The following PTPRQ variants were observed in gnomAD, a reference collection of about 807,000 sequenced individuals.
PTPRQ encodes the protein protein tyrosine phosphatase receptor type Q.
A neutral mutation model predicts 246.0 loss-of-function variants in PTPRQ; 199 were observed. The observed-to-expected ratio is 0.81, with a 90% CI of 0.72 to 0.91. The LOEUF is 0.91. PTPRQ is among the 40% of genes least tolerant of loss of function. PTPRQ has a pLI of 0.00. For missense variants in PTPRQ, 2,624 were observed against 2,528.4 expected (o/e 1.04, Z -0.81); for synonymous variants, 869 against 853.2 (o/e 1.02, Z -0.32).
At chr12:80,636,685 C>T (rs1899665441) in intron 35 of PTPRQ, among the ~76,000 whole-genome samples, 3 of 152,100 alleles carry the variant, frequency 2.0e-5, no homozygotes, top group Admixed American at 2.0e-4. Flanking sequence ...AAGACCGACC[C>T]CCTCCCCAAC....
intron 14 of PTPRQ, among the ~76,000 whole-genome samples, chr12:80,500,980 GT>G (rs1369992470): frequency 6.6e-6 from 1 of 151,970 alleles, no homozygotes; most frequent in Non-Finnish European, 1.5e-5. Flanking sequence ...TCACTGAGAG[GT>G]TATATTTGCC....
chr12:80,531,416 A>G (rs1895839758), intron 17 of PTPRQ, among the ~76,000 whole-genome samples: 1 of 152,202 alleles, frequency 6.6e-6, no homozygotes, highest in Non-Finnish European at 1.5e-5. Context: ...CAAGAGTAAC[A>G]ACTTATTATA....
At chr12:80,620,111 A>C in intron 31 of PTPRQ, 43 bp from the exon 32 acceptor site, 1 of 1,502,472 alleles carries the variant, frequency 6.7e-7, no homozygotes, top group East Asian at 2.5e-5. Flanking sequence ...AAATATATTC[A>C]TATGTTACTT....
intron 17 of PTPRQ, among the ~76,000 whole-genome samples, chr12:80,530,578 A>C (rs1231822780): frequency 6.6e-6 from 1 of 152,228 alleles, no homozygotes; most frequent in African/African-American, 2.4e-5. Flanking sequence ...GAAATATAAA[A>C]AACCATAAAT....
intron 39 of PTPRQ, among the ~76,000 whole-genome samples, chr12:80,666,435 T>C (rs144391672): frequency 7.6e-4 from 116 of 151,960 alleles, no homozygotes; most frequent in African/African-American, 2.7e-3. Context: ...AGTAAGAGAT[T>C]GGTTAACGAA....
intron 17 of PTPRQ, among the ~76,000 whole-genome samples, chr12:80,523,181 T>C (rs777549133): frequency 1.3e-5 from 2 of 152,192 alleles, no homozygotes; most frequent in African/African-American, 2.4e-5. Context: ...CTCATGGTAG[T>C]TTGTATTTCT....
At chr12:80,499,212 A>G (rs777744335) in intron 14 of PTPRQ, among the ~76,000 whole-genome samples, 55 of 152,032 alleles carry the variant, frequency 3.6e-4, no homozygotes, top group Non-Finnish European at 6.8e-4. Flanking sequence ...AGGGGAAACC[A>G]ACATATCCCA....
At chr12:80,542,449 AG>A in intron 22 of PTPRQ, 85 bp downstream of exon 22, 1 of 1,464,504 alleles carries the variant, frequency 6.8e-7, no homozygotes, top group Middle Eastern at 1.8e-4. Context: ...GGAATATGAA[AG>A]GATATCTGAT....
rs1555210243 is a variant in PTPRQ, at chr12:80,642,935, A to AAAACAAAC, written c.5916-5959_5916-5958insCAAACAAA. On this transcript the variant is annotated intron_variant, in intron 35 of 44. Transcript: ENST00000644991. The stretch of plus-strand genomic sequence containing the variant: ...ACTCCGTCTTAAAAAAAAAAAAAAA[A>AAAACAAAC]AAAAAAAAAAACAATTGAGTATCTC... 1.5e-3 allele frequency among the ~76,000 whole-genome samples: 225 copies of AAAACAAAC among 145,638 alleles called. 8 individuals are homozygous for AAAACAAAC. Among genetic ancestry groups the AAAACAAAC allele is most frequent in the African/African-American group, 4.4e-3 (159 of 36,450 alleles).
chr12:80,585,787 G>A (rs1897594232), intron 25 of PTPRQ, among the ~76,000 whole-genome samples: 1 of 150,638 alleles, frequency 6.6e-6, no homozygotes, highest in East Asian at 2.0e-4. Flanking sequence ...CATTGTGCAG[G>A]TTAGTTACAT....
chr12:80,535,688 A>G (rs1013108086), intron 19 of PTPRQ, among the ~76,000 whole-genome samples: 3 of 152,238 alleles, frequency 2.0e-5, no homozygotes, highest in Non-Finnish European at 4.4e-5. Flanking sequence ...CTTTGAAAAA[A>G]TATTTTCAAT....
chr12:80,465,032 CA>C (rs1157074528), intron 6 of PTPRQ, among the ~76,000 whole-genome samples: 1 of 105,590 alleles, frequency 9.5e-6, no homozygotes, highest in Non-Finnish European at 1.9e-5. Context: ...CATAGAGACA[CA>C]AAAAACCCTT....
At chr12:80,657,040 A>G (rs1325215355) in intron 38 of PTPRQ, among the ~76,000 whole-genome samples, 1 of 151,936 alleles carries the variant, frequency 6.6e-6, no homozygotes, top group Non-Finnish European at 1.5e-5. Context: ...GAGAAATTTG[A>G]TTGCATAACA....
chr12:80,541,514 G>A, intron 20 of PTPRQ, 41 bp from the exon 21 acceptor site: 11 of 1,390,478 alleles, frequency 7.9e-6, no homozygotes, highest in Non-Finnish European at 1.0e-5. Flanking sequence ...TCTGTTTAGG[G>A]TAACTGATGA....
chr12:80,516,235 C>A (rs1895295581), intron 17 of PTPRQ, among the ~76,000 whole-genome samples: 1 of 152,108 alleles, frequency 6.6e-6, no homozygotes, highest in Non-Finnish European at 1.5e-5. Context: ...AGCACTTTTA[C>A]TTTTAGATGT....
chr12:80,624,643 A>C (rs1019418245), intron 33 of PTPRQ, among the ~76,000 whole-genome samples: 2 of 152,210 alleles, frequency 1.3e-5, no homozygotes, highest in Non-Finnish European at 2.9e-5. Context: ...TGGATTTAAC[A>C]CCATCAATTA....
intron 8 of PTPRQ, among the ~76,000 whole-genome samples, chr12:80,477,036 G>A (rs952489407): frequency 3.9e-5 from 6 of 151,976 alleles, no homozygotes; most frequent in African/African-American, 1.5e-4. Context: ...TTTTTTGCCC[G>A]TTACTCCTGT....
chr12:80,506,696 T>A, intron 16 of PTPRQ, 26 bp downstream of exon 16: 1 of 1,524,514 alleles, frequency 6.6e-7, no homozygotes, highest in Non-Finnish European at 8.8e-7. Flanking sequence ...GATATTGATA[T>A]ACTTTGATTC....
Position 80,506,225 on chromosome 12 carries a change from T to C in PTPRQ, c.2455+19T>C. 6.9e-7 allele frequency: 1 copy of C among 1,445,948 alleles called. No individual in the cohort carries two copies. 89.6% of individuals were successfully genotyped at this position (1,445,948 alleles called of 1,614,324 possible). On this transcript the variant is annotated intron_variant, in intron 15 of 44. Coordinates refer to ENST00000644991, the MANE Select transcript of PTPRQ (RefSeq NM_001145026.2). ...ATTAAAGGTAAAAGAACAAATCTAATATTGGATATTTGCATTTATAATGAC... is the reference window on the plus strand; with the variant it reads ...ATTAAAGGTAAAAGAACAAATCTAACATTGGATATTTGCATTTATAATGAC...
Sources: allele counts gnomAD v4.1 joint callset (sites outside exome capture counted in the v4.1 genomes callset), GRCh38; gene constraint gnomAD v4.1.1; transcripts MANE v1.5; gene names NCBI Gene and HGNC (gene_info 2026-07-23, HGNC 2026-07-21).